Variants in TNRC6B observed in about 807,000 individuals in gnomAD.
TNRC6B encodes trinucleotide repeat containing adaptor 6B.
A neutral mutation model predicts 203.6 loss-of-function variants in TNRC6B; 52 were observed. The observed-to-expected ratio is 0.26, with a 90% CI of 0.20 to 0.32. TNRC6B has a LOEUF of 0.32. Among genes scored for constraint, TNRC6B ranks in the 10% least tolerant of loss-of-function variants. TNRC6B has a pLI of 1.00. For synonymous variants in TNRC6B, 838 were observed against 845.7 expected (o/e 0.99, Z 0.16); for missense variants, 1,923 against 2,286.2 (o/e 0.84, Z 3.24).
chr22:40,241,819 C>T (rs1164871620), intron 1 of TNRC6B, among the ~76,000 whole-genome samples: 2 of 152,168 alleles, frequency 1.3e-5, no homozygotes, highest in East Asian at 1.9e-4. Context: ...GCTTATTTCT[C>T]TCTGTATGAA....
intron 21 of TNRC6B, among the ~76,000 whole-genome samples, chr22:40,316,571 G>A (rs1401816595): frequency 6.6e-6 from 1 of 152,086 alleles, no homozygotes; most frequent in Admixed American, 6.6e-5. Context: ...GATCACTTGA[G>A]CCCAGAATTG....
chr22:40,092,470 A>G lies in TNRC6B; in HGVS notation c.-120-24585A>G, dbSNP rs5995811. Reference sequence around the variant, plus strand: ...ATTGGAAACTGAACATAGAATAAGTATATTTAATATTTTAAGGAAATTGTG... The same window carrying G: ...ATTGGAAACTGAACATAGAATAAGTGTATTTAATATTTTAAGGAAATTGTG... On this transcript the variant is annotated intron_variant, in intron 1 of 23. Coordinates refer to the TNRC6B transcript ENST00000301923. Among the ~76,000 whole-genome samples the G allele has an allele frequency of 4.4e-4, 66 of 151,460 alleles. 1 individual carries two copies. Among genetic ancestry groups the G allele is most frequent in the African/African-American group, 1.6e-3 (65 of 40,880 alleles).
At position 40,321,176 on chromosome 22, in the gene TNRC6B, G is replaced by C; in HGVS notation, c.5061G>C (p.Leu1687=). ...FHLNLTQGTA[L]IRYSTKQEAA... Reference sequence around the variant, plus strand: ...TGAATCTAACCCAGGGCACTGCCCTGATCCGATACAGCACCAAACAGGAGG... The same window carrying C: ...TGAATCTAACCCAGGGCACTGCCCTCATCCGATACAGCACCAAACAGGAGG... The change falls in exon 22 of 23, where the codon CTG becomes CTC. Residue 1687 remains leucine, a synonymous_variant. Coordinates refer to ENST00000454349, the MANE Select transcript of TNRC6B (RefSeq NM_001162501.2). 6.2e-7 allele frequency: 1 copy of C among 1,613,976 alleles called. No individual in the cohort carries two copies. The highest frequency in any genetic ancestry group is 8.5e-7 in the Non-Finnish European group (1 of 1,179,892).
intron 3 of TNRC6B, among the ~76,000 whole-genome samples, chr22:40,130,112 G>A (rs1196874965): frequency 2.6e-5 from 4 of 152,214 alleles, no homozygotes; most frequent in Non-Finnish European, 5.9e-5. Context: ...AAGTTCAAGT[G>A]AAAGATTTTT....
At chr22:40,066,621 G>A (rs1171477329) in intron 1 of TNRC6B, among the ~76,000 whole-genome samples, 1 of 152,110 alleles carries the variant, frequency 6.6e-6, no homozygotes. Context: ...CAAAATAAGA[G>A]TTGCAAAGTA....
At chr22:40,160,462 G>A (rs1391083772) in intron 4 of TNRC6B, among the ~76,000 whole-genome samples, 2 of 132,970 alleles carry the variant, frequency 1.5e-5, no homozygotes, top group Admixed American at 7.6e-5. Flanking sequence ...GGCAACAAGA[G>A]TGAAACTCCG....
At chr22:40,052,924 A>T (rs545142029) in intron 1 of TNRC6B, among the ~76,000 whole-genome samples, 1 of 152,168 alleles carries the variant, frequency 6.6e-6, no homozygotes, top group Admixed American at 6.5e-5. Flanking sequence ...TTTATGTGCT[A>T]TGCTTTGTCT....
intron 3 of TNRC6B, among the ~76,000 whole-genome samples, chr22:40,127,660 T>C (rs1003080814): frequency 6.6e-6 from 1 of 152,116 alleles, no homozygotes; most frequent in Non-Finnish European, 1.5e-5. Flanking sequence ...TTGCTTGAGC[T>C]CAAGACTTCG....
At chr22:40,253,835 C>T (rs2070230211) in intron 3 of TNRC6B, among the ~76,000 whole-genome samples, 2 of 152,294 alleles carry the variant, frequency 1.3e-5, no homozygotes, top group South Asian at 4.1e-4. Flanking sequence ...TCTTCTCTTA[C>T]CTCAGCTGAC....
chr22:40,156,305 T>C lies in TNRC6B; in HGVS notation c.113+123T>C, dbSNP rs149115058. 1.5e-3 allele frequency: 1,354 copies of C among 900,312 alleles called. 4 individuals carry two copies. The highest frequency in any genetic ancestry group is 2.2e-3 in the Non-Finnish European group (1,264 of 587,126). 55.8% of individuals were successfully genotyped at this position (900,312 alleles called of 1,614,324 possible). A position where few individuals can be genotyped will look rare whatever the true frequency, so the allele number is the denominator to read the frequency against. The stretch of plus-strand genomic sequence containing the variant: ...TGGAGACATTGGGGAACTCACCAGT[T>C]GCTTTGGTGGCTGTTAATGCATTGC... On this transcript the variant is annotated intron_variant, in intron 4 of 23. Coordinates refer to the TNRC6B transcript ENST00000301923.
chr22:40,072,010 C>T (rs141508961), intron 1 of TNRC6B, among the ~76,000 whole-genome samples: 2 of 152,256 alleles, frequency 1.3e-5, no homozygotes, highest in Admixed American at 6.5e-5. Flanking sequence ...TACATCACTA[C>T]GCCTGACTGA....
intron 1 of TNRC6B, chr22:40,106,587 C>T (rs2068285536): frequency 4.1e-6 from 3 of 726,616 alleles, no homozygotes; most frequent in Middle Eastern, 3.1e-4. Flanking sequence ...CTGAATTCTC[C>T]ATAACCACGC....
intron 1 of TNRC6B, among the ~76,000 whole-genome samples, chr22:40,241,846 T>TTA (rs2070033118): frequency 6.6e-6 from 1 of 152,252 alleles, no homozygotes; most frequent in Non-Finnish European, 1.5e-5. Context: ...TTTTCCTATT[T>TTA]TATACAATGG....
rs1490049002 is a variant in TNRC6B at position 40,333,765 on chromosome 22, A to G, written c.*10524A>G. On this transcript the variant is annotated 3_prime_UTR_variant, in exon 23 of 23. Coordinates refer to ENST00000454349, the MANE Select transcript of TNRC6B (RefSeq NM_001162501.2). ...ACCCCCTCCATGAGCTCGAAGCGAC[A>G]TTAAGTAGAGGGAAATGCTTTTAAC... 6.6e-6 allele frequency: 1 copy of G among 152,650 alleles called. No homozygotes were observed. The highest frequency in any genetic ancestry group is 1.5e-5 in the Non-Finnish European group (1 of 68,030). 9.5% of individuals were successfully genotyped at this position (152,650 alleles called of 1,614,324 possible). A position where few individuals can be genotyped will look rare whatever the true frequency, so the allele number is the denominator to read the frequency against.
chr22:40,246,498 T>C, intron 2 of TNRC6B: 1 of 154,252 alleles, frequency 6.5e-6, no homozygotes, highest in East Asian at 1.9e-4. Context: ...GAATACCTGA[T>C]ATCCCAATAA....
At chr22:40,186,729 C>G (rs1308716391) in intron 1 of TNRC6B, among the ~76,000 whole-genome samples, 1 of 141,906 alleles carries the variant, frequency 7.0e-6, no homozygotes, top group African/African-American at 2.7e-5. Flanking sequence ...CAGAACAAGA[C>G]TCCATCTCAA....
chr22:40,281,458 T>C (rs970553551), intron 11 of TNRC6B, among the ~76,000 whole-genome samples, 169 bp downstream of exon 11: 11 of 152,110 alleles, frequency 7.2e-5, no homozygotes, highest in African/African-American at 2.7e-4. Flanking sequence ...CCCATCTCTC[T>C]TCATGTTTTT....
intron 19 of TNRC6B, among the ~76,000 whole-genome samples, 155 bp downstream of exon 19, chr22:40,313,152 A>T (rs551688970): frequency 2.7e-4 from 41 of 152,292 alleles, no homozygotes; most frequent in African/African-American, 9.9e-4. Context: ...TCTGTTTGCT[A>T]TGTCTTTGAG....
intron 4 of TNRC6B, among the ~76,000 whole-genome samples, chr22:40,157,302 T>A (rs2068826235): frequency 1.3e-5 from 1 of 77,556 alleles, no homozygotes; most frequent in Admixed American, 1.1e-4. Flanking sequence ...AATGGGCCAG[T>A]GATTATGGAA....
Sources: allele counts gnomAD v4.1 joint callset (sites outside exome capture counted in the v4.1 genomes callset), GRCh38; gene constraint gnomAD v4.1.1; transcripts MANE v1.5; gene names NCBI Gene and HGNC (gene_info 2026-07-23, HGNC 2026-07-21).